The following ITGBL1 variants were observed in gnomAD, a reference collection of about 807,000 sequenced individuals.
The protein encoded by ITGBL1 is integrin subunit beta like 1.
ITGBL1 carries 51 observed loss-of-function variants against 68.5 expected under a neutral mutation model. That is an observed-to-expected ratio of 0.74 (90% CI 0.59 to 0.94). The LOEUF (loss-of-function observed/expected upper bound fraction) is 0.94, where lower values mean the gene tolerates loss of function less well. Ranked by LOEUF, ITGBL1 falls within the 40% of genes least tolerant of loss-of-function variation. ITGBL1 has a pLI of 0.00. For synonymous variants in ITGBL1, 209 were observed against 227.3 expected, an observed-to-expected ratio of 0.92 and a Z score of 0.72; for missense variants, 649 against 647.4, an observed-to-expected ratio of 1.00 and a Z score of -0.03.
At chr13:101,612,273 A>C (rs2031167289) in intron 7 of ITGBL1, among the ~76,000 whole-genome samples, 1 of 152,218 alleles carries the variant, frequency 6.6e-6, no homozygotes, top group Non-Finnish European at 1.5e-5. Context: ...GATGGTCTCT[A>C]GGGTGAAACA....
chr13:101,701,249 T>C (rs907338308), intron 8 of ITGBL1, among the ~76,000 whole-genome samples: 1 of 152,108 alleles, frequency 6.6e-6, no homozygotes, highest in African/African-American at 2.4e-5. Context: ...TAATAAAAAA[T>C]CATCGCCAGG....
At chr13:101,690,099 A>G (rs2033850363) in intron 7 of ITGBL1, among the ~76,000 whole-genome samples, 1 of 152,200 alleles carries the variant, frequency 6.6e-6, no homozygotes, top group Non-Finnish European at 1.5e-5. Context: ...TCCAATAGAT[A>G]CATGGTGAAA....
At chr13:101,610,221 C>A (rs1256134870) in intron 7 of ITGBL1, among the ~76,000 whole-genome samples, 1 of 152,060 alleles carries the variant, frequency 6.6e-6, no homozygotes, top group Admixed American at 6.6e-5. Flanking sequence ...TATAAACAGG[C>A]AAACCAGATA....
chr13:101,631,999 A>G (rs1363945712), intron 7 of ITGBL1, among the ~76,000 whole-genome samples: 3 of 152,038 alleles, frequency 2.0e-5, no homozygotes, highest in Non-Finnish European at 4.4e-5. Context: ...ATGAAGATTT[A>G]TATACGGTAC....
At chr13:101,607,036 T>C (rs919569118) in intron 7 of ITGBL1, among the ~76,000 whole-genome samples, 3 of 151,964 alleles carry the variant, frequency 2.0e-5, no homozygotes, top group Non-Finnish European at 4.4e-5. Context: ...TCTCTTAGTA[T>C]TGATTCTTGG....
At chr13:101,508,048 A>G (rs2049054251) in intron 2 of ITGBL1, among the ~76,000 whole-genome samples, 1 of 152,160 alleles carries the variant, frequency 6.6e-6, no homozygotes, top group Non-Finnish European at 1.5e-5. Flanking sequence ...TGATGAGACG[A>G]GAGACTTTAT....
At chr13:101,593,558 T>C (rs778935436) in intron 6 of ITGBL1, among the ~76,000 whole-genome samples, 13 of 152,064 alleles carry the variant, frequency 8.5e-5, no homozygotes, top group Non-Finnish European at 1.6e-4. Context: ...AAAATTGTGG[T>C]ATATATACAC....
At chr13:101,500,203 A>G (rs1052129049) in intron 2 of ITGBL1, among the ~76,000 whole-genome samples, 10 of 152,218 alleles carry the variant, frequency 6.6e-5, no homozygotes, top group African/African-American at 2.2e-4. Flanking sequence ...AGCCAGAAAA[A>G]AAAAGTCCAA....
intron 7 of ITGBL1, among the ~76,000 whole-genome samples, chr13:101,673,236 C>G (rs1443531375): frequency 6.6e-6 from 1 of 152,158 alleles, no homozygotes; most frequent in Non-Finnish European, 1.5e-5. Flanking sequence ...GTTAAAATTT[C>G]ACAATCAATA....
chr13:101,707,821 C>T lies in ITGBL1; in HGVS notation c.1279+919C>T, dbSNP rs142608482. The stretch of plus-strand genomic sequence containing the variant: ...TAAACTGAGATCACACCACTGCACT[C>T]CAGCCTGGGCAACAGAGCAAGACTC... On this transcript the variant is annotated intron_variant, in intron 9 of 10. Transcript: ENST00000376180. Among the ~76,000 whole-genome samples, 805 of 150,030 alleles carry T rather than the reference C, an allele frequency of 5.4e-3. 1 individual carries two copies. Among genetic ancestry groups the T allele is most frequent in the Non-Finnish European group, 8.5e-3 (578 of 67,668 alleles).
At chr13:101,470,578 T>TA (rs2048443606) in intron 2 of ITGBL1, among the ~76,000 whole-genome samples, 1 of 152,178 alleles carries the variant, frequency 6.6e-6, no homozygotes, top group Non-Finnish European at 1.5e-5. Context: ...GGTGTATAGT[T>TA]ATCAAAAACC....
chr13:101,577,581 T>C (rs769515314), intron 4 of ITGBL1, among the ~76,000 whole-genome samples: 15 of 152,206 alleles, frequency 9.9e-5, no homozygotes, highest in African/African-American at 3.1e-4. Flanking sequence ...GTGAGAAATA[T>C]AGATTTTCTA....
At chr13:101,511,675 C>A (rs532396666) in intron 2 of ITGBL1, among the ~76,000 whole-genome samples, 1 of 152,180 alleles carries the variant, frequency 6.6e-6, no homozygotes, top group East Asian at 1.9e-4. Flanking sequence ...TTCCATACAT[C>A]CTATAGCCAC....
chr13:101,509,132 C>G (rs1408087391), intron 2 of ITGBL1, among the ~76,000 whole-genome samples: 1 of 152,124 alleles, frequency 6.6e-6, no homozygotes, highest in Non-Finnish European at 1.5e-5. Context: ...GGGGAGGCCT[C>G]ACAATCATGG....
intron 3 of ITGBL1, among the ~76,000 whole-genome samples, chr13:101,571,889 A>G (rs1358473468): frequency 2.6e-5 from 4 of 152,158 alleles, no homozygotes; most frequent in African/African-American, 7.2e-5. Context: ...AATGTAATTT[A>G]TTCAATCAAG....
At chr13:101,544,225 G>T (rs1214875976) in intron 2 of ITGBL1, among the ~76,000 whole-genome samples, 2 of 152,026 alleles carry the variant, frequency 1.3e-5, no homozygotes, top group Non-Finnish European at 2.9e-5. Context: ...GTACAGATGG[G>T]GTTTTGGTGT....
At position 101,632,129 on chromosome 13, in the gene ITGBL1, TTC is replaced by T. The variant is rs71125012; in HGVS notation, c.1015+33850_1015+33851del. ...AAGAAAGTCACACATGGATAAAATA[TTC>T]TCTCTCTCTCTCTCTCTCTATATAT... On this transcript the variant is annotated intron_variant, in intron 7 of 10. Transcript: ENST00000376180. Among the ~76,000 whole-genome samples the T allele has an allele frequency of 5.9e-3, 885 of 150,228 alleles. 4 individuals carry two copies. The highest frequency in any genetic ancestry group is 0.019 in the African/African-American group (777 of 40,896).
chr13:101,592,906 A>G (rs983584601), intron 6 of ITGBL1, among the ~76,000 whole-genome samples: 1 of 152,120 alleles, frequency 6.6e-6, no homozygotes, highest in African/African-American at 2.4e-5. Context: ...ACAAAAACAA[A>G]TAGATAAATG....
intron 2 of ITGBL1, among the ~76,000 whole-genome samples, chr13:101,530,901 C>T (rs765720952): frequency 3.3e-5 from 5 of 152,146 alleles, no homozygotes; most frequent in Non-Finnish European, 7.4e-5. Flanking sequence ...GGGCAAACCA[C>T]ATTTACTTAG....
Sources: gnomAD v4.1 joint callset for allele counts (sites outside exome capture counted in the v4.1 genomes callset) on GRCh38, gnomAD v4.1.1 for gene constraint, MANE v1.5 for transcripts, NCBI Gene and HGNC (gene_info 2026-07-23, HGNC 2026-07-21) for gene names.